Variants in CBFB observed in about 807,000 individuals in gnomAD.
The protein encoded by CBFB is CBF-beta.
In CBFB, 9 loss-of-function variants were observed where a neutral mutation model predicts 30.4. The ratio of observed to expected loss-of-function variants is 0.30; its 90% CI spans 0.18 to 0.52. The LOEUF (loss-of-function observed/expected upper bound fraction) is 0.52, where lower values mean the gene tolerates loss of function less well. CBFB is among the 20% of genes least tolerant of loss of function. The pLI is 0.97. For synonymous variants in CBFB, 94 were observed against 84.0 expected, an observed-to-expected ratio of 1.12 and a Z score of -0.65; for missense variants, 170 against 244.0, an observed-to-expected ratio of 0.70 and a Z score of 2.02.
intron 4 of CBFB, among the ~76,000 whole-genome samples, chr16:67,068,337 A>G (rs1961117749): frequency 6.6e-6 from 1 of 152,022 alleles, no homozygotes; most frequent in South Asian, 2.1e-4. Context: ...AAAATTAACC[A>G]GGTGTGGTGG....
intron 4 of CBFB, among the ~76,000 whole-genome samples, chr16:67,079,708 A>G (rs1468340130): frequency 6.6e-6 from 1 of 152,176 alleles, no homozygotes; most frequent in East Asian, 1.9e-4. Flanking sequence ...AAGCCCCATT[A>G]GGTGACTTGT....
intron 4 of CBFB, among the ~76,000 whole-genome samples, chr16:67,079,969 T>C (rs1027219256): frequency 1.3e-5 from 2 of 152,074 alleles, no homozygotes; most frequent in African/African-American, 2.4e-5. Context: ...ATGATGATGC[T>C]CACCTGTAGT....
intron 3 of CBFB, among the ~76,000 whole-genome samples, chr16:67,053,544 C>T (rs565952164): frequency 3.3e-5 from 5 of 152,074 alleles, no homozygotes; most frequent in South Asian, 2.1e-4. Context: ...CGTGAGCCAC[C>T]GCACCCAGCC....
chr16:67,090,091 T>C (rs1222995038), intron 5 of CBFB, among the ~76,000 whole-genome samples: 1 of 152,162 alleles, frequency 6.6e-6, no homozygotes, highest in African/African-American at 2.4e-5. Flanking sequence ...GTAAAGGATT[T>C]TGGACTTTTC....
chr16:67,092,698 CTTTTTTTTT>C (rs777213321), intron 5 of CBFB, among the ~76,000 whole-genome samples: 4 of 33,530 alleles, frequency 1.2e-4, no homozygotes, highest in African/African-American at 3.4e-4. Context: ...GTGGTGCAAT[CTTTTTTTTT>C]TTTTTTTTTT....
chr16:67,047,644 C>T (rs1966651945), intron 3 of CBFB, among the ~76,000 whole-genome samples: 1 of 152,152 alleles, frequency 6.6e-6, no homozygotes, highest in Non-Finnish European at 1.5e-5. Flanking sequence ...GCCCTGTTTG[C>T]AGAACAGTGT....
At chr16:67,094,957 C>T (rs1409147184) in intron 5 of CBFB, among the ~76,000 whole-genome samples, 1 of 152,098 alleles carries the variant, frequency 6.6e-6, no homozygotes, top group Non-Finnish European at 1.5e-5. Context: ...TGGCTCATGC[C>T]TGTAATCCCA....
intron 3 of CBFB, among the ~76,000 whole-genome samples, chr16:67,057,855 C>A (rs1372559007): frequency 6.6e-6 from 1 of 151,876 alleles, no homozygotes; most frequent in South Asian, 2.1e-4. Context: ...GGTTTTGTTC[C>A]ATTAAGTTGT....
intron 2 of CBFB, chr16:67,030,110 A>G: frequency 6.5e-6 from 2 of 308,354 alleles, no homozygotes; most frequent in Non-Finnish European, 1.2e-5. Context: ...GGCGACACCG[A>G]AGAAGGGTTC....
At chr16:67,095,043 C>T (rs1962000036) in intron 5 of CBFB, among the ~76,000 whole-genome samples, 1 of 151,472 alleles carries the variant, frequency 6.6e-6, no homozygotes, top group South Asian at 2.1e-4. Flanking sequence ...CATGGTGAAA[C>T]CCTGTCTCTA....
intron 2 of CBFB, among the ~76,000 whole-genome samples, chr16:67,030,677 G>A (rs1418638096): frequency 6.6e-6 from 1 of 152,122 alleles, no homozygotes; most frequent in Non-Finnish European, 1.5e-5. Context: ...TCGGGTCACT[G>A]CAACCTTCGC....
At chr16:67,052,542 A>G (rs1005696484) in intron 3 of CBFB, among the ~76,000 whole-genome samples, 2 of 151,452 alleles carry the variant, frequency 1.3e-5, no homozygotes, top group East Asian at 1.9e-4. Flanking sequence ...TGCCACTGCA[A>G]TCCAACCTGG....
intron 4 of CBFB, among the ~76,000 whole-genome samples, chr16:67,073,071 A>G (rs773306285): frequency 3.3e-5 from 5 of 152,284 alleles, no homozygotes; most frequent in Non-Finnish European, 5.9e-5. Flanking sequence ...TGCATATTAT[A>G]ATTAGTAAAT....
At chr16:67,090,473 A>C (rs948320705) in intron 5 of CBFB, among the ~76,000 whole-genome samples, 1 of 152,180 alleles carries the variant, frequency 6.6e-6, no homozygotes, top group Non-Finnish European at 1.5e-5. Context: ...TCTATAACTA[A>C]TTCAAATGTC....
intron 3 of CBFB, among the ~76,000 whole-genome samples, chr16:67,049,554 G>A (rs867211405): frequency 2.0e-5 from 3 of 152,088 alleles, no homozygotes; most frequent in African/African-American, 4.8e-5. Context: ...GAATGCAATG[G>A]CACAACCATG....
At chr16:67,054,281 G>T (rs1448850724) in intron 3 of CBFB, among the ~76,000 whole-genome samples, 1 of 152,038 alleles carries the variant, frequency 6.6e-6, no homozygotes, top group Non-Finnish European at 1.5e-5. Context: ...AGAGTTTGAG[G>T]TTAGAGATTA....
At chr16:67,064,990 C>T (rs979344108) in intron 3 of CBFB, among the ~76,000 whole-genome samples, 21 of 152,034 alleles carry the variant, frequency 1.4e-4, no homozygotes, top group African/African-American at 3.6e-4. Flanking sequence ...CTCTGCCTCC[C>T]GAGTTCAAGT....
intron 3 of CBFB, among the ~76,000 whole-genome samples, chr16:67,057,534 A>G (rs990962583): frequency 6.6e-6 from 1 of 152,172 alleles, no homozygotes; most frequent in African/African-American, 2.4e-5. Flanking sequence ...ATCATTAGCC[A>G]GTTTACCCTC....
rs369475383 is a variant in CBFB, at chr16:67,075,197, A to ATACGTGTGTGTGTG, written c.400-7015_400-7014insACGTGTGTGTGTGT. On this transcript the variant is annotated intron_variant, in intron 4 of 5. Coordinates refer to ENST00000412916, the MANE Select transcript of CBFB (RefSeq NM_022845.3). ...AGAGCGAGATTCTATCTCAAAAAAA[A>ATACGTGTGTGTGTG]TGTGTGTGTGTGTGTGTGTGTGTGT... Among the ~76,000 whole-genome samples, 12 of 142,766 alleles carry ATACGTGTGTGTGTG rather than the reference A, an allele frequency of 8.4e-5. No homozygotes were observed. In the South Asian group the frequency reaches 1.1e-3, roughly 13 times the overall value. The allele number at this position is 142,766 out of a possible 152,430, so 93.7% of individuals were successfully genotyped here. A position where few individuals can be genotyped will look rare whatever the true frequency, so the allele number is the denominator to read the frequency against.
Sources: gnomAD v4.1 joint callset for allele counts (sites outside exome capture counted in the v4.1 genomes callset) on GRCh38, gnomAD v4.1.1 for gene constraint, MANE v1.5 for transcripts, NCBI Gene and HGNC (gene_info 2026-07-23, HGNC 2026-07-21) for gene names.